Variants in CERS6 observed in about 807,000 individuals in gnomAD.
CERS6 encodes LAG1 homolog, ceramide synthase 6.
A neutral mutation model predicts 56.8 loss-of-function variants in CERS6; 26 were observed. The ratio of observed to expected loss-of-function variants is 0.46; its 90% CI spans 0.34 to 0.63. CERS6 has a LOEUF of 0.63. Ranked by LOEUF, CERS6 falls within the 30% of genes least tolerant of loss-of-function variation. The probability of loss-of-function intolerance (pLI) is 0.01; values close to 1 mark genes in which losing one functional copy is unlikely to be tolerated. For synonymous variants in CERS6, 164 were observed against 173.3 expected (o/e 0.95, Z 0.42); for missense variants, 415 against 467.5 (o/e 0.89, Z 1.04).
Position 168,759,241 on chromosome 2 carries a change from A to G in CERS6, c.846-6351A>G, listed in dbSNP as rs144094693. Reference sequence around the variant, plus strand: ...TGCAGGATGAAAAAAGGTCAGACTGATGCCTCTTCATTCATTTGATGGGAT... The same window carrying G: ...TGCAGGATGAAAAAAGGTCAGACTGGTGCCTCTTCATTCATTTGATGGGAT... On this transcript the variant is annotated intron_variant, in intron 8 of 9. Coordinates refer to ENST00000305747, the MANE Select transcript of CERS6 (RefSeq NM_203463.3). 3.5e-4 allele frequency among the ~76,000 whole-genome samples: 53 copies of G among 152,236 alleles called. No individual in the cohort carries two copies. In the East Asian group the frequency reaches 0.01, roughly 29 times the overall value.
intron 1 of CERS6, among the ~76,000 whole-genome samples, chr2:168,478,129 TTAGAG>T (rs1377021749): frequency 6.6e-6 from 1 of 152,160 alleles, no homozygotes; most frequent in African/African-American, 2.4e-5. Flanking sequence ...TGTTTTTTCC[TTAGAG>T]TACTTTCTCT....
intron 2 of CERS6, among the ~76,000 whole-genome samples, chr2:168,555,852 A>G (rs1327343718): frequency 6.6e-6 from 1 of 151,882 alleles, no homozygotes; most frequent in Non-Finnish European, 1.5e-5. Context: ...TCATTAACCC[A>G]AAGTGTTTAT....
intron 3 of CERS6, among the ~76,000 whole-genome samples, chr2:168,591,825 A>C (rs938900309): frequency 2.0e-5 from 3 of 152,242 alleles, no homozygotes; most frequent in African/African-American, 7.2e-5. Flanking sequence ...GGACCTTCTC[A>C]AACTTCGTTA....
At chr2:168,558,299 A>G (rs1053230932) in intron 2 of CERS6, among the ~76,000 whole-genome samples, 1 of 152,220 alleles carries the variant, frequency 6.6e-6, no homozygotes, top group Non-Finnish European at 1.5e-5. Context: ...TGGCCCAGGT[A>G]AGGTTATTTA....
At chr2:168,542,380 T>G (rs1176488801) in intron 1 of CERS6, among the ~76,000 whole-genome samples, 1 of 152,236 alleles carries the variant, frequency 6.6e-6, no homozygotes, top group Non-Finnish European at 1.5e-5. Flanking sequence ...GATACAATCT[T>G]CCGATCTTAA....
intron 7 of CERS6, among the ~76,000 whole-genome samples, chr2:168,717,594 C>A (rs1305970953): frequency 2.0e-5 from 3 of 152,152 alleles, no homozygotes; most frequent in African/African-American, 7.2e-5. Flanking sequence ...TGAAATCAAC[C>A]ATACAAATGA....
intron 1 of CERS6, among the ~76,000 whole-genome samples, chr2:168,524,055 A>G (rs2105358008): frequency 6.6e-6 from 1 of 152,270 alleles, no homozygotes; most frequent in East Asian, 1.9e-4. Flanking sequence ...TTTCCCCTTC[A>G]TGTTCAACTC....
intron 1 of CERS6, among the ~76,000 whole-genome samples, chr2:168,475,146 T>G (rs1182306617): frequency 4.6e-5 from 7 of 152,172 alleles, no homozygotes; most frequent in African/African-American, 1.7e-4. Flanking sequence ...TGGGAAAAGT[T>G]ATTTTTTTAT....
chr2:168,596,853 A>G (rs1351056214), intron 3 of CERS6, among the ~76,000 whole-genome samples: 1 of 152,206 alleles, frequency 6.6e-6, no homozygotes, highest in Non-Finnish European at 1.5e-5. Flanking sequence ...GTTGATGCAC[A>G]AAATTTGGAG....
At chr2:168,660,486 G>C (rs1158799315) in intron 4 of CERS6, among the ~76,000 whole-genome samples, 1 of 151,994 alleles carries the variant, frequency 6.6e-6, no homozygotes, top group East Asian at 1.9e-4. Flanking sequence ...CCCAAGGGCT[G>C]AAATAGAAAA....
intron 1 of CERS6, among the ~76,000 whole-genome samples, chr2:168,545,087 A>G (rs891818508): frequency 6.6e-6 from 1 of 152,058 alleles, no homozygotes; most frequent in Non-Finnish European, 1.5e-5. Context: ...AAATACATAC[A>G]TGTATTTGTA....
At chr2:168,761,128 G>A (rs1321649846) in intron 8 of CERS6, among the ~76,000 whole-genome samples, 4 of 152,090 alleles carry the variant, frequency 2.6e-5, no homozygotes, top group Non-Finnish European at 5.9e-5. Context: ...CTACTATATT[G>A]TTTTTCTTAC....
chr2:168,671,321 C>T (rs149880582), intron 4 of CERS6, among the ~76,000 whole-genome samples: 6 of 152,136 alleles, frequency 3.9e-5, no homozygotes, highest in East Asian at 1.9e-4. Context: ...ATTGTGCCAG[C>T]GTTCAGTTTG....
At chr2:168,657,675 G>A (rs1419494964) in intron 4 of CERS6, among the ~76,000 whole-genome samples, 1 of 152,224 alleles carries the variant, frequency 6.6e-6, no homozygotes, top group East Asian at 1.9e-4. Context: ...CGCAGCCACT[G>A]GCCCGGGTGC....
intron 3 of CERS6, among the ~76,000 whole-genome samples, chr2:168,587,793 A>G (rs1306847108): frequency 6.6e-6 from 1 of 151,796 alleles, no homozygotes; most frequent in African/African-American, 2.4e-5. Context: ...AGGGCTTTTC[A>G]TTTTAATGTA....
At chr2:168,560,705 A>C (rs1245488596) in intron 2 of CERS6, among the ~76,000 whole-genome samples, 4 of 152,200 alleles carry the variant, frequency 2.6e-5, no homozygotes, top group Admixed American at 2.0e-4. Flanking sequence ...TAAATGAGGC[A>C]CTTTAGGATT....
At position 168,549,957 on chromosome 2, in the gene CERS6, T is replaced by A. The variant is rs920912676; in HGVS notation, c.276+2256T>A. Among the ~76,000 whole-genome samples the A allele has an allele frequency of 4.6e-5, 7 of 152,230 alleles. No homozygotes were observed. The East Asian group carries it at 1.4e-3, about 29-fold the overall frequency. On this transcript the variant is annotated intron_variant, in intron 2 of 9. Coordinates refer to ENST00000305747, the MANE Select transcript of CERS6 (RefSeq NM_203463.3). The stretch of plus-strand genomic sequence containing the variant: ...TGGCCTTACCACGGTTTGAGCTGCC[T>A]TTTTGTAGAAGGGCATGATTATAAT...
At chr2:168,647,763 C>T (rs995706139) in intron 4 of CERS6, among the ~76,000 whole-genome samples, 1 of 152,068 alleles carries the variant, frequency 6.6e-6, no homozygotes, top group Non-Finnish European at 1.5e-5. Context: ...CATCTGTTTA[C>T]ATAATCATGT....
chr2:168,623,270 G>C (rs1320045056), intron 3 of CERS6, among the ~76,000 whole-genome samples: 1 of 152,114 alleles, frequency 6.6e-6, no homozygotes, highest in Non-Finnish European at 1.5e-5. Flanking sequence ...GAAAGAGGGA[G>C]ATGTTGGTTG....
Sources: allele counts gnomAD v4.1 joint callset (sites outside exome capture counted in the v4.1 genomes callset), GRCh38; gene constraint gnomAD v4.1.1; transcripts MANE v1.5; gene names NCBI Gene and HGNC (gene_info 2026-07-23, HGNC 2026-07-21).